CACNA1C: variants seen among roughly 807,000 people sequenced by gnomAD.
CACNA1C encodes the protein calcium voltage-gated channel subunit alpha1 C.
In CACNA1C, 30 loss-of-function variants were observed where a neutral mutation model predicts 229.0. That is an observed-to-expected ratio of 0.13 (90% CI 0.10 to 0.18). The LOEUF (loss-of-function observed/expected upper bound fraction) is 0.18. Ranked by LOEUF, CACNA1C falls within the 10% of genes least tolerant of loss-of-function variation. The pLI is 1.00. For synonymous variants in CACNA1C, 1,114 were observed against 1,132.5 expected (o/e 0.98, Z 0.33); for missense variants, 1,658 against 2,845.0 (o/e 0.58, Z 9.49).
At chr12:2,452,506 C>A (rs1044784136) in intron 4 of CACNA1C, among the ~76,000 whole-genome samples, 1 of 152,156 alleles carries the variant, frequency 6.6e-6, no homozygotes, top group Non-Finnish European at 1.5e-5. Flanking sequence ...GCTCCACTGC[C>A]GGACTACAGA....
At chr12:2,398,085 G>A (rs2098616944) in intron 3 of CACNA1C, among the ~76,000 whole-genome samples, 1 of 152,224 alleles carries the variant, frequency 6.6e-6, no homozygotes, top group Admixed American at 6.5e-5. Context: ...AGAAGGAAGA[G>A]AGCCATTTGG....
chr12:2,389,815 C>T (rs111645619), intron 3 of CACNA1C, among the ~76,000 whole-genome samples: 103 of 152,228 alleles, frequency 6.8e-4, no homozygotes, highest in African/African-American at 2.4e-3. Flanking sequence ...CTCGTTCTTC[C>T]AACCCTCCGG....
At chr12:2,391,171 G>A (rs1028871522) in intron 3 of CACNA1C, among the ~76,000 whole-genome samples, 1 of 152,192 alleles carries the variant, frequency 6.6e-6, no homozygotes, top group Non-Finnish European at 1.5e-5. Flanking sequence ...ATTGAGACAG[G>A]GAGCAGGAGA....
intron 18 of CACNA1C, among the ~76,000 whole-genome samples, chr12:2,592,006 C>T (rs545173713): frequency 1.3e-5 from 2 of 152,268 alleles, no homozygotes; most frequent in East Asian, 3.9e-4. Context: ...CCCATCCTAG[C>T]GCAGAATAAC....
chr12:2,636,820 T>C (rs1272269115), intron 30 of CACNA1C, among the ~76,000 whole-genome samples: 2 of 152,198 alleles, frequency 1.3e-5, no homozygotes, highest in Non-Finnish European at 2.9e-5. Context: ...TTTTCCACTT[T>C]CTAAATAAGC....
At position 2,407,601 on chromosome 12, in the gene CACNA1C, GC is replaced by G. The variant is rs1174550726; in HGVS notation, c.478-41373del. ...ACCGACACCATGTGGGTACTGGGGAGCCTCATCATGACCCAGTGGGAAGGAA... is the reference window on the plus strand; with the variant it reads ...ACCGACACCATGTGGGTACTGGGGAGCTCATCATGACCCAGTGGGAAGGAA... On this transcript the variant is annotated intron_variant, in intron 3 of 46. Transcript: ENST00000399655. 1.7e-3 allele frequency among the ~76,000 whole-genome samples: 96 copies of G among 56,562 alleles called. 7 individuals are homozygous for G. The highest frequency in any genetic ancestry group is 8.8e-3 in the Middle Eastern group (1 of 114). The allele number at this position is 56,562 out of a possible 152,430, so 37.1% of individuals were successfully genotyped here.
At position 2,632,360 on chromosome 12, in the gene CACNA1C, G is replaced by A. The variant is rs2090868344; in HGVS notation, c.3829-1937G>A. ...AATATGATCGCCTGTAGCTGGGGGT[G>A]TATGCACCCATTCAGTCACAGAACA... is the stretch of plus-strand genomic sequence containing the variant. On this transcript the variant is annotated intron_variant, in intron 29 of 46. Coordinates refer to ENST00000399655, the MANE Select transcript of CACNA1C (RefSeq NM_000719.7). The surrounding 1 kb of genome is among the most constrained non-coding windows in gnomAD (Gnocchi z 4.1). Among the ~76,000 whole-genome samples the A allele has an allele frequency of 1.3e-5, 2 of 151,930 alleles. No individual in the cohort carries two copies. The highest frequency in any genetic ancestry group is 4.8e-5 in the African/African-American group (2 of 41,312).
chr12:2,077,919 A>T (rs1022500667), intron 1 of CACNA1C, among the ~76,000 whole-genome samples: 1 of 152,242 alleles, frequency 6.6e-6, no homozygotes, highest in African/African-American at 2.4e-5. Flanking sequence ...ACTATAGGAA[A>T]TTTAGGATAA....
intron 5 of CACNA1C, among the ~76,000 whole-genome samples, chr12:2,480,233 A>G (rs2099669210): frequency 6.6e-6 from 1 of 152,108 alleles, no homozygotes; most frequent in Non-Finnish European, 1.5e-5. Context: ...GGTGTCCTAT[A>G]GCTATCCAGG....
upstream of CACNA1C, among the ~76,000 whole-genome samples, chr12:2,052,387 C>T (rs1345621572): frequency 1.2e-4 from 18 of 152,064 alleles, no homozygotes; most frequent in Non-Finnish European, 2.6e-4. Context: ...CACGGAATCA[C>T]GGCTCATCTT....
chr12:1,978,033 A>T lies in CACNA1C; in HGVS notation c.139+6832A>T, dbSNP rs184724203. On this transcript the variant is annotated intron_variant, in intron 1 of 46. Transcript: ENST00000682462. The stretch of plus-strand genomic sequence containing the variant: ...CCTCTTTGCTAGGAAATTGACATTT[A>T]AAAAAATTGACTCTCAAGAGAGAAG... Among the ~76,000 whole-genome samples the T allele has an allele frequency of 9.3e-3, 1,414 of 152,288 alleles. 15 individuals are homozygous for T. The highest frequency in any genetic ancestry group is 0.032 in the African/African-American group (1,330 of 41,536).
chr12:2,291,693 G>A (rs1215093755), intron 3 of CACNA1C, among the ~76,000 whole-genome samples: 1 of 152,168 alleles, frequency 6.6e-6, no homozygotes, highest in African/African-American at 2.4e-5. Flanking sequence ...TGCCTGTTCT[G>A]GGTAGAGCAT....
intron 3 of CACNA1C, among the ~76,000 whole-genome samples, chr12:2,207,463 A>C (rs1010712172): frequency 5.3e-5 from 8 of 152,186 alleles, no homozygotes; most frequent in African/African-American, 1.2e-4. Context: ...GTTACATTTT[A>C]GGAAATTGGC....
intron 1 of CACNA1C, among the ~76,000 whole-genome samples, chr12:2,105,237 C>T (rs1030522790): frequency 2.6e-5 from 4 of 152,226 alleles, no homozygotes; most frequent in African/African-American, 9.6e-5. Context: ...GGCTCTTTGC[C>T]TTCTCCAGCC....
chr12:2,531,368 C>T (rs1185593261), intron 9 of CACNA1C, among the ~76,000 whole-genome samples: 6 of 152,186 alleles, frequency 3.9e-5, no homozygotes, highest in South Asian at 2.1e-4. Flanking sequence ...GACCTGGTTC[C>T]TAGTCCCAGC....
At chr12:2,567,355 A>G (rs1453341954) in intron 12 of CACNA1C, among the ~76,000 whole-genome samples, 1 of 152,232 alleles carries the variant, frequency 6.6e-6, no homozygotes, top group Non-Finnish European at 1.5e-5. Context: ...CCTATGGTGC[A>G]TGGGAGATGC....
intron 3 of CACNA1C, among the ~76,000 whole-genome samples, chr12:2,268,863 C>T (rs1051547838): frequency 3.3e-5 from 5 of 152,148 alleles, no homozygotes; most frequent in African/African-American, 4.8e-5. Context: ...CTGTTCATTC[C>T]GGGCTGAGCA....
upstream of CACNA1C, among the ~76,000 whole-genome samples, chr12:2,051,719 A>T (rs1228002884): frequency 6.6e-6 from 1 of 152,208 alleles, no homozygotes; most frequent in Admixed American, 6.5e-5. Context: ...AGCAACTAGA[A>T]GTATGGGATG....
chr12:2,375,075 A>T (rs936651262), intron 3 of CACNA1C, among the ~76,000 whole-genome samples: 1 of 152,214 alleles, frequency 6.6e-6, no homozygotes, highest in Non-Finnish European at 1.5e-5. Context: ...ACAAAATGAG[A>T]CAGGATTAGT....
Sources: gnomAD v4.1 joint callset for allele counts (sites outside exome capture counted in the v4.1 genomes callset) on GRCh38, gnomAD v4.1.1 for gene constraint, Gnocchi (gnomAD v3.1) non-coding constraint, MANE v1.5 for transcripts, NCBI Gene and HGNC (gene_info 2026-07-23, HGNC 2026-07-21) for gene names.